The following SUFU variants were observed in gnomAD, a reference collection of about 807,000 sequenced individuals.
SUFU encodes SUFU negative regulator of hedgehog signaling, also known as suppressor of fused homolog.
Under a neutral mutation model 58.9 loss-of-function variants are expected in SUFU, and 7 were observed. The observed-to-expected ratio is 0.12, with a 90% CI of 0.07 to 0.22. SUFU has a LOEUF of 0.22. SUFU is among the 10% of genes least tolerant of loss of function. The pLI is 1.00. For missense variants in SUFU, 451 were observed against 641.3 expected, an observed-to-expected ratio of 0.70 and a Z score of 3.20; for synonymous variants, 232 against 254.8, an observed-to-expected ratio of 0.91 and a Z score of 0.85.
At chr10:102,506,039 GAAAAAAAAAAAAA>G (rs1170831161) in intron 1 of SUFU, among the ~76,000 whole-genome samples, 8 of 84,214 alleles carry the variant, frequency 9.5e-5, no homozygotes, top group Middle Eastern at 6.2e-3. Flanking sequence ...TCTGTTATTT[GAAAAAAAAAAAAA>G]AAAAAAAAAA....
chr10:102,509,109 A>C (rs1472088978), intron 1 of SUFU, 60 bp from the exon 2 acceptor site: 1 of 1,611,482 alleles, frequency 6.2e-7, no homozygotes, highest in East Asian at 2.2e-5. Flanking sequence ...AGAGCGCCTT[A>C]GCTTGACATT....
intron 3 of SUFU, among the ~76,000 whole-genome samples, chr10:102,550,587 C>T (rs896678351): frequency 6.6e-6 from 1 of 152,168 alleles, no homozygotes; most frequent in Admixed American, 6.5e-5. Flanking sequence ...TACCACCTGC[C>T]TCTGAACTAC....
rs2063726338 is a variant in SUFU at position 102,619,965 on chromosome 10, C to A, written c.1296+2537C>A. On this transcript the variant is annotated intron_variant, in intron 10 of 11. Coordinates refer to ENST00000369902, the MANE Select transcript of SUFU (RefSeq NM_016169.4). The surrounding 1 kb of genome is among the most constrained non-coding windows in gnomAD (Gnocchi z 4.2). ...GGGGACCCCAGCACAAAGAGGCCCA[C>A]CCTTGCTCCCTGCAGGCATCTCTTG... Among the ~76,000 whole-genome samples, 1 of 152,208 alleles carries A rather than the reference C, an allele frequency of 6.6e-6. No individual in the cohort carries two copies. The highest frequency in any genetic ancestry group is 1.5e-5 in the Non-Finnish European group (1 of 68,036).
Position 102,619,100 on chromosome 10 carries a change from C to T in SUFU, c.1296+1672C>T, listed in dbSNP as rs368784660. 6.2e-7 allele frequency: 1 copy of T among 1,612,826 alleles called. No homozygotes were observed. Among genetic ancestry groups the T allele is most frequent in the Non-Finnish European group, 8.5e-7 (1 of 1,179,872 alleles). On this transcript the variant is annotated intron_variant, in intron 10 of 11. Coordinates refer to ENST00000369902, the MANE Select transcript of SUFU (RefSeq NM_016169.4). This position sits in a 1 kb window ranked among gnomAD's most constrained non-coding sequence, Gnocchi z 4.2. The stretch of plus-strand genomic sequence containing the variant: ...TATCCTCGGAGCTCTGCCCTCCCGT[C>T]CTGGAACGTCTTTCTGCCCTGAGGA...
chr10:102,531,317 G>C (rs904815946), intron 2 of SUFU, among the ~76,000 whole-genome samples: 1 of 152,086 alleles, frequency 6.6e-6, no homozygotes, highest in Non-Finnish European at 1.5e-5. Flanking sequence ...TCAAAAATTG[G>C]AGAGCCTTGG....
At chr10:102,509,488 G>T (rs991461651) in intron 2 of SUFU, among the ~76,000 whole-genome samples, 185 bp downstream of exon 2, 1 of 152,140 alleles carries the variant, frequency 6.6e-6, no homozygotes, top group Non-Finnish European at 1.5e-5. Context: ...CTTATCTAGT[G>T]CAGGAAAGTC....
chr10:102,546,532 G>T (rs1231573598), intron 2 of SUFU, among the ~76,000 whole-genome samples: 2 of 152,194 alleles, frequency 1.3e-5, no homozygotes, highest in African/African-American at 4.8e-5. Flanking sequence ...GTGAGAGACA[G>T]CCGCTCCCTA....
intron 8 of SUFU, among the ~76,000 whole-genome samples, chr10:102,607,838 G>C (rs2135910407): frequency 6.6e-6 from 1 of 152,134 alleles, no homozygotes; most frequent in South Asian, 2.1e-4. Context: ...TTGAACCCAG[G>C]AGGTGGAGGT....
intron 3 of SUFU, among the ~76,000 whole-genome samples, chr10:102,553,900 C>T (rs778054035): frequency 3.3e-5 from 5 of 152,134 alleles, no homozygotes; most frequent in African/African-American, 4.8e-5. Context: ...TCAGGACCAG[C>T]GTAGGCAACA....
chr10:102,516,001 ACT>A (rs1339243772), intron 2 of SUFU, among the ~76,000 whole-genome samples: 3 of 151,502 alleles, frequency 2.0e-5, no homozygotes, highest in African/African-American at 4.9e-5. Context: ...CCCAACAGGG[ACT>A]CTCCAGAGCC....
chr10:102,605,156 A>AGC (rs2063551372), intron 8 of SUFU, among the ~76,000 whole-genome samples: 1 of 151,650 alleles, frequency 6.6e-6, no homozygotes, highest in African/African-American at 2.4e-5. Context: ...TGACCTTATG[A>AGC]TCTGCCCGCC....
intron 6 of SUFU, among the ~76,000 whole-genome samples, chr10:102,595,913 A>C (rs1244880873): frequency 6.6e-6 from 1 of 152,198 alleles, no homozygotes; most frequent in Non-Finnish European, 1.5e-5. Context: ...AAGTTGAGCC[A>C]AGAATTGTCT....
rs569051654 is a variant in SUFU, at chr10:102,632,368, G to C, written c.*2213G>C. The C allele has an allele frequency of 3.0e-5, 7 of 233,208 alleles. No individual in the cohort carries two copies. The highest frequency in any genetic ancestry group is 1.3e-4 in the African/African-American group (6 of 45,410). The allele number at this position is 233,208 out of a possible 1,614,324, so 14.4% of individuals were successfully genotyped here. On this transcript the variant is annotated 3_prime_UTR_variant, in exon 12 of 12. Coordinates refer to ENST00000369902, the MANE Select transcript of SUFU (RefSeq NM_016169.4). ...AGCACATGAAGCCTGTGGCCCCTTC[G>C]TACCTGCAATATGTCAGGAGCCTCA... is the stretch of plus-strand genomic sequence containing the variant.
chr10:102,555,225 G>A (rs997561221), intron 3 of SUFU, among the ~76,000 whole-genome samples: 3 of 141,016 alleles, frequency 2.1e-5, no homozygotes, highest in East Asian at 2.1e-4. Flanking sequence ...CTGAGACTGC[G>A]CCACTGCACT....
intron 8 of SUFU, among the ~76,000 whole-genome samples, chr10:102,611,892 A>G: frequency 6.6e-6 from 1 of 152,198 alleles, no homozygotes; most frequent in East Asian, 1.9e-4. Flanking sequence ...CCCAGCGGGT[A>G]TGAGCTGTGC....
intron 3 of SUFU, among the ~76,000 whole-genome samples, chr10:102,564,580 G>C (rs1418079944): frequency 6.6e-6 from 1 of 152,138 alleles, no homozygotes; most frequent in Non-Finnish European, 1.5e-5. Flanking sequence ...TGATCCACCC[G>C]CCTTGGCCTC....
chr10:102,528,560 A>G (rs1166017641), intron 2 of SUFU, among the ~76,000 whole-genome samples: 2 of 152,112 alleles, frequency 1.3e-5, no homozygotes, highest in Non-Finnish European at 2.9e-5. Flanking sequence ...ACAGAGTGAG[A>G]CCCTGTCTCA....
intron 2 of SUFU, among the ~76,000 whole-genome samples, chr10:102,541,467 C>T (rs1422894928): frequency 2.7e-5 from 4 of 150,678 alleles, no homozygotes; most frequent in Non-Finnish European, 5.9e-5. Context: ...GGTGCGATCT[C>T]GGCTCACTGC....
At position 102,599,524 on chromosome 10, in the gene SUFU, C is replaced by T. The variant is rs1356809001; in HGVS notation, c.1002C>T (p.Gly334=). The T allele has an allele frequency of 6.8e-6, 11 of 1,614,062 alleles. No individual in the cohort carries two copies. Among genetic ancestry groups the T allele is most frequent in the Non-Finnish European group, 9.3e-6 (11 of 1,180,008 alleles). Residue 334 remains glycine (G), a synonymous_variant, in exon 8 of 12, where the codon GGC becomes GGT. Coordinates refer to ENST00000369902, the MANE Select transcript of SUFU (RefSeq NM_016169.4). ...LPPINPQRQN[G]LAHDRAPSRK... The stretch of plus-strand genomic sequence containing the variant: ...CAATCAACCCTCAGCGGCAGAATGG[C>T]CTCGCCCACGACCGGGCCCCGTAAG...
Sources: allele counts gnomAD v4.1 joint callset (sites outside exome capture counted in the v4.1 genomes callset), GRCh38; gene constraint gnomAD v4.1.1; non-coding constraint Gnocchi (gnomAD v3.1); transcripts MANE v1.5; gene names NCBI Gene and HGNC (gene_info 2026-07-23, HGNC 2026-07-21).